Variants in ANKRD44 observed in about 807,000 individuals in gnomAD.
ANKRD44 encodes serine/threonine-protein phosphatase 6 regulatory ankyrin repeat subunit B.
A neutral mutation model predicts 116.0 loss-of-function variants in ANKRD44; 35 were observed. The ratio of observed to expected loss-of-function variants is 0.30; its 90% CI spans 0.23 to 0.40. ANKRD44 has a LOEUF of 0.40. Among genes scored for constraint, ANKRD44 ranks in the 10% least tolerant of loss-of-function variants. The probability of loss-of-function intolerance (pLI) is 1.00; values close to 1 mark genes in which losing one functional copy is unlikely to be tolerated. For synonymous variants in ANKRD44, 435 were observed against 461.8 expected, an observed-to-expected ratio of 0.94 and a Z score of 0.74; for missense variants, 1,014 against 1,242.6, an observed-to-expected ratio of 0.82 and a Z score of 2.77.
intron 1 of ANKRD44, among the ~76,000 whole-genome samples, chr2:197,266,622 C>T (rs903769380): frequency 5.3e-5 from 8 of 150,938 alleles, no homozygotes; most frequent in African/African-American, 2.0e-4. Context: ...CTAGTATGGG[C>T]ATGCAAGAGT....
chr2:197,159,827 AC>A (rs1387351481), intron 2 of ANKRD44, among the ~76,000 whole-genome samples: 1 of 152,156 alleles, frequency 6.6e-6, no homozygotes, highest in Non-Finnish European at 1.5e-5. Flanking sequence ...TAAGTGACTC[AC>A]CCAAAGTCAC....
intron 8 of ANKRD44, among the ~76,000 whole-genome samples, chr2:197,120,274 T>C (rs890268931): frequency 6.6e-6 from 1 of 152,198 alleles, no homozygotes; most frequent in Non-Finnish European, 1.5e-5. Context: ...TGGGTAGTCC[T>C]TAGTAAATTT....
intron 8 of ANKRD44, among the ~76,000 whole-genome samples, chr2:197,118,395 C>T (rs1293664327): frequency 6.6e-6 from 1 of 151,434 alleles, no homozygotes; most frequent in East Asian, 1.9e-4. Flanking sequence ...AAGAGACCAG[C>T]CTGGCCAACA....
At chr2:197,101,401 T>G (rs62279213) in intron 9 of ANKRD44, among the ~76,000 whole-genome samples, 19,000 of 152,248 alleles carry the variant, frequency 0.12, 1,422 homozygotes, top group Non-Finnish European at 0.17. Flanking sequence ...CTCCATTTTC[T>G]TAGCGCACAC....
intron 16 of ANKRD44, among the ~76,000 whole-genome samples, chr2:197,074,958 C>T (rs1413245242): frequency 6.6e-6 from 1 of 151,602 alleles, no homozygotes; most frequent in East Asian, 2.0e-4. Flanking sequence ...TTCAGAGAAT[C>T]CCAGAAGCTC....
chr2:197,068,132 A>G (rs1300373247), intron 16 of ANKRD44, among the ~76,000 whole-genome samples: 23 of 118,242 alleles, frequency 1.9e-4, no homozygotes, highest in African/African-American at 6.4e-4. Context: ...AACACCGCAT[A>G]TTCTCACTCA....
chr2:197,172,313 C>T (rs2080259011), intron 2 of ANKRD44, among the ~76,000 whole-genome samples: 1 of 151,864 alleles, frequency 6.6e-6, no homozygotes, highest in African/African-American at 2.4e-5. Context: ...CATTATTATT[C>T]TTAATAGCTT....
intron 1 of ANKRD44, among the ~76,000 whole-genome samples, chr2:197,264,170 T>C (rs2697278): frequency 0.83 from 125,784 of 152,230 alleles, 52,089 homozygotes; most frequent in South Asian, 0.9. Flanking sequence ...CCCATAGTGA[T>C]AGAAGATGGA....
intron 3 of ANKRD44, among the ~76,000 whole-genome samples, chr2:197,146,191 A>G (rs1574545934): frequency 6.6e-6 from 1 of 152,356 alleles, no homozygotes; most frequent in South Asian, 2.1e-4. Flanking sequence ...TCAGATTTAA[A>G]TGTTTGCTAT....
At chr2:197,144,204 T>C (rs2079441321) in intron 3 of ANKRD44, among the ~76,000 whole-genome samples, 1 of 152,226 alleles carries the variant, frequency 6.6e-6, no homozygotes, top group Non-Finnish European at 1.5e-5. Flanking sequence ...TCTATCCACC[T>C]GGCTAACAGG....
At chr2:196,976,223 G>A (rs551761767) in intron 21 of ANKRD44, among the ~76,000 whole-genome samples, 3 of 151,900 alleles carry the variant, frequency 2.0e-5, no homozygotes, top group Non-Finnish European at 4.4e-5. Context: ...TGTAACCTCC[G>A]CCTCCCAGGT....
At chr2:197,265,466 C>T (rs1436911801) in intron 1 of ANKRD44, among the ~76,000 whole-genome samples, 1 of 152,048 alleles carries the variant, frequency 6.6e-6, no homozygotes, top group African/African-American at 2.4e-5. Flanking sequence ...AGGCTGGTCT[C>T]GAACTCTTGA....
chr2:197,078,667 T>C (rs757649572), intron 16 of ANKRD44, 36 bp downstream of exon 16: 301 of 1,605,916 alleles, frequency 1.9e-4, no homozygotes, highest in Non-Finnish European at 2.6e-6. Flanking sequence ...TATGTGTGTG[T>C]GTGTGTGTTA....
chr2:197,067,320 C>T (rs1283563939), intron 16 of ANKRD44, among the ~76,000 whole-genome samples: 1 of 152,170 alleles, frequency 6.6e-6, no homozygotes, highest in Non-Finnish European at 1.5e-5. Context: ...AGACCTAACA[C>T]CTAAAAACCC....
chr2:197,141,192 G>A (rs1417581337), intron 3 of ANKRD44, among the ~76,000 whole-genome samples: 1 of 152,134 alleles, frequency 6.6e-6, no homozygotes, highest in Non-Finnish European at 1.5e-5. Flanking sequence ...CCTCCAGCCT[G>A]GGCGACAGAG....
At chr2:197,106,808 T>A (rs11902233) in intron 9 of ANKRD44, among the ~76,000 whole-genome samples, 4,165 of 70,566 alleles carry the variant, frequency 0.059, 175 homozygotes, top group African/African-American at 0.15. Context: ...ATATATATAT[T>A]TTTTTTTTTT....
At chr2:197,237,468 G>A (rs933765462) in intron 1 of ANKRD44, among the ~76,000 whole-genome samples, 1 of 152,130 alleles carries the variant, frequency 6.6e-6, no homozygotes, top group South Asian at 2.1e-4. Flanking sequence ...CTCCTTCTGT[G>A]GGATTGGACT....
chr2:197,164,228 G>A (rs1353800978), intron 2 of ANKRD44, among the ~76,000 whole-genome samples: 3 of 152,150 alleles, frequency 2.0e-5, no homozygotes, highest in Non-Finnish European at 4.4e-5. Flanking sequence ...TACATTCCTC[G>A]GGTCCCGGGA....
rs1181337991 is a variant in ANKRD44, at chr2:197,076,751, C to CTCCCCCTTATA, written c.1650+1951_1650+1952insTATAAGGGGGA. ...GCTCCCCCTTATAAGTGAGAACATG[C>CTCCCCCTTATA]AGTATTTGGTTTCTTGCTCCTGTGT... On this transcript the variant is annotated intron_variant, in intron 16 of 27. Transcript: ENST00000282272. Among the ~76,000 whole-genome samples the CTCCCCCTTATA allele has an allele frequency of 2.5e-3, 376 of 152,248 alleles. 1 individual carries two copies. Among genetic ancestry groups the CTCCCCCTTATA allele is most frequent in the East Asian group, 0.016 (84 of 5,178 alleles).
Sources: allele counts gnomAD v4.1 joint callset (sites outside exome capture counted in the v4.1 genomes callset), GRCh38; gene constraint gnomAD v4.1.1; transcripts MANE v1.5; gene names NCBI Gene and HGNC (gene_info 2026-07-23, HGNC 2026-07-21).